ROR1: variants seen among roughly 807,000 people sequenced by gnomAD.
The protein encoded by ROR1 is ROR family WNT receptor 1, also known as inactive tyrosine-protein kinase transmembrane receptor ROR1.
A neutral mutation model predicts 78.8 loss-of-function variants in ROR1; 19 were observed. The observed-to-expected ratio is 0.24, with a 90% CI of 0.17 to 0.35. ROR1 has a LOEUF of 0.35. Ranked by LOEUF, ROR1 falls within the 10% of genes least tolerant of loss-of-function variation. The probability of loss-of-function intolerance (pLI) is 1.00; values close to 1 mark genes in which losing one functional copy is unlikely to be tolerated. For missense variants in ROR1, 917 were observed against 1,177.8 expected, an observed-to-expected ratio of 0.78 and a Z score of 3.24; for synonymous variants, 386 against 433.6, an observed-to-expected ratio of 0.89 and a Z score of 1.36.
In ROR1 at chr1:63,787,842, A is replaced by G. The variant is rs578200860; in HGVS notation, c.91+13334A>G. Among the ~76,000 whole-genome samples the G allele has an allele frequency of 5.9e-5, 9 of 152,282 alleles. No individual in the cohort carries two copies. In the South Asian group the frequency reaches 1.5e-3, roughly 25 times the overall value. On this transcript the variant is annotated intron_variant, in intron 1 of 8. Transcript: ENST00000371079. ...CACCCGGCCTATCGCCCTGATTTCA[A>G]TCCCTCATCTGTCACTCCCTCATTC...
intron 1 of ROR1, among the ~76,000 whole-genome samples, chr1:63,960,276 G>T (rs1646017700): frequency 6.6e-6 from 1 of 152,142 alleles, no homozygotes; most frequent in African/African-American, 2.4e-5. Context: ...TTTTGGGAAC[G>T]GGAGACCTTC....
chr1:63,848,490 A>C (rs1488889233), intron 1 of ROR1, among the ~76,000 whole-genome samples: 2 of 152,242 alleles, frequency 1.3e-5, no homozygotes, highest in Non-Finnish European at 2.9e-5. Context: ...AGGAAGCTTC[A>C]GGATTATATT....
chr1:63,924,092 G>A (rs886111191), intron 1 of ROR1, among the ~76,000 whole-genome samples: 2 of 152,172 alleles, frequency 1.3e-5, no homozygotes, highest in Admixed American at 1.3e-4. Flanking sequence ...GGTTATTCCA[G>A]ATGCAGATAG....
chr1:64,019,672 C>T (rs533332498), intron 2 of ROR1, among the ~76,000 whole-genome samples: 2 of 152,162 alleles, frequency 1.3e-5, no homozygotes, highest in Middle Eastern at 3.4e-3. Context: ...TGCCAAGAAC[C>T]ATGTTAAGTG....
At chr1:64,104,779 A>G (rs112460957) in intron 4 of ROR1, among the ~76,000 whole-genome samples, 2,008 of 152,314 alleles carry the variant, frequency 0.013, 41 homozygotes, top group African/African-American at 0.045. Context: ...TGACCCTGCA[A>G]AGGGCATGAT....
At chr1:63,959,978 G>C (rs1178114825) in intron 1 of ROR1, among the ~76,000 whole-genome samples, 1 of 152,112 alleles carries the variant, frequency 6.6e-6, no homozygotes, top group Non-Finnish European at 1.5e-5. Flanking sequence ...CCACGAGAAG[G>C]CCTCTCTAAT....
chr1:63,853,518 A>G (rs1645129364), intron 1 of ROR1, among the ~76,000 whole-genome samples: 1 of 152,210 alleles, frequency 6.6e-6, no homozygotes, highest in Non-Finnish European at 1.5e-5. Flanking sequence ...GTATAAACGC[A>G]TATATTCCAG....
rs534791344 is a variant in ROR1 at position 63,808,811 on chromosome 1, T to C, written c.91+34303T>C. Among the ~76,000 whole-genome samples the C allele has an allele frequency of 2.6e-5, 4 of 151,586 alleles. No homozygotes were observed. The South Asian group carries it at 8.3e-4, about 32-fold the overall frequency. The stretch of plus-strand genomic sequence containing the variant: ...ACCAATCTATAGTACCTATCAGCAG[T>C]CACATATAAGAAAATTAGTTTTCAT... On this transcript the variant is annotated intron_variant, in intron 1 of 8. Transcript: ENST00000371079.
Position 64,099,467 on chromosome 1 carries a change from G to A in ROR1, c.483-37902G>A, listed in dbSNP as rs77762245. ...TGTGAGAAGGATAACAAAAGTCATC[G>A]GAGCATCTGAACTCATCAGAGGCCG... On this transcript the variant is annotated intron_variant, in intron 4 of 8. Transcript: ENST00000371079. Among the ~76,000 whole-genome samples the A allele has an allele frequency of 3.5e-4, 54 of 152,184 alleles. No homozygotes were observed. In the East Asian group the frequency reaches 8.1e-3, roughly 23 times the overall value.
intron 1 of ROR1, among the ~76,000 whole-genome samples, chr1:63,940,101 A>AT (rs1462471218): frequency 6.6e-6 from 1 of 152,196 alleles, no homozygotes; most frequent in Non-Finnish European, 1.5e-5. Context: ...GTAGTGACTC[A>AT]TGAGCCACAC....
chr1:63,918,078 G>A (rs543888944), intron 1 of ROR1, among the ~76,000 whole-genome samples: 1 of 152,310 alleles, frequency 6.6e-6, no homozygotes, highest in African/African-American at 2.4e-5. Context: ...CCCCCTTGAG[G>A]CCATGCTTGT....
intron 1 of ROR1, among the ~76,000 whole-genome samples, chr1:64,000,213 A>G (rs572688803): frequency 1.3e-4 from 20 of 152,130 alleles, no homozygotes; most frequent in Admixed American, 1.3e-4. Context: ...GAAATAGGAA[A>G]AAAAGAGTAA....
intron 1 of ROR1, among the ~76,000 whole-genome samples, chr1:63,979,250 T>G (rs897221869): frequency 6.6e-6 from 1 of 152,156 alleles, no homozygotes; most frequent in African/African-American, 2.4e-5. Context: ...ATTTAATGGC[T>G]GCTGACTCGG....
intron 8 of ROR1, among the ~76,000 whole-genome samples, chr1:64,175,966 A>G (rs1287703513): frequency 1.3e-5 from 2 of 152,202 alleles, no homozygotes; most frequent in Non-Finnish European, 2.9e-5. Context: ...TAAGGATTTG[A>G]AGGATGGGGA....
At chr1:64,034,941 C>T (rs553859042) in intron 2 of ROR1, among the ~76,000 whole-genome samples, 4 of 152,174 alleles carry the variant, frequency 2.6e-5, no homozygotes, top group Non-Finnish European at 5.9e-5. Context: ...CATAGACTCT[C>T]CCTAATAGCT....
At chr1:63,854,697 A>C (rs1451960361) in intron 1 of ROR1, among the ~76,000 whole-genome samples, 1 of 152,246 alleles carries the variant, frequency 6.6e-6, no homozygotes, top group African/African-American at 2.4e-5. Context: ...TATCTGGCAC[A>C]TACAGATTGC....
intron 1 of ROR1, among the ~76,000 whole-genome samples, chr1:63,792,629 T>G (rs768106212): frequency 1.3e-5 from 2 of 152,246 alleles, no homozygotes; most frequent in African/African-American, 2.4e-5. Context: ...AGGATTATTA[T>G]GTATATTAAG....
chr1:63,980,419 T>A (rs1646201095), intron 1 of ROR1, among the ~76,000 whole-genome samples: 1 of 152,212 alleles, frequency 6.6e-6, no homozygotes, highest in Admixed American at 6.5e-5. Flanking sequence ...CCTGTGTGAA[T>A]GTAAATTACT....
chr1:63,794,725 G>A (rs908082573), intron 1 of ROR1, among the ~76,000 whole-genome samples: 2 of 152,208 alleles, frequency 1.3e-5, no homozygotes, highest in African/African-American at 4.8e-5. Flanking sequence ...GAAGCCCACT[G>A]GAGGAAGCAG....
Sources: gnomAD v4.1 joint callset for allele counts (sites outside exome capture counted in the v4.1 genomes callset) on GRCh38, gnomAD v4.1.1 for gene constraint, MANE v1.5 for transcripts, NCBI Gene and HGNC (gene_info 2026-07-23, HGNC 2026-07-21) for gene names.